KLF2: variants seen among roughly 807,000 people sequenced by gnomAD.
KLF2 encodes the protein Krueppel-like factor 2.
A neutral mutation model predicts 22.2 loss-of-function variants in KLF2; 9 were observed. The ratio of observed to expected loss-of-function variants is 0.40; its 90% CI spans 0.24 to 0.71. KLF2 has a LOEUF of 0.71. Among genes scored for constraint, KLF2 ranks in the 30% least tolerant of loss-of-function variants. The pLI is 0.35. For missense variants in KLF2, 481 were observed against 542.1 expected, an observed-to-expected ratio of 0.89 and a Z score of 1.12; for synonymous variants, 299 against 264.2, an observed-to-expected ratio of 1.13 and a Z score of -1.28.
chr19:16,327,032 C>A lies in KLF2; in HGVS notation c.*1C>A. The A allele has an allele frequency of 1.9e-6, 3 of 1,578,960 alleles. 1 individual carries two copies. The South Asian group carries it at 3.4e-5, about 18-fold the overall frequency. The stretch of plus-strand genomic sequence containing the variant: ...GCTGCACATGAAACGGCACATGTAG[C>A]CGGGACGCCCCCGCCCACCTGCGCG... On this transcript the variant is annotated 3_prime_UTR_variant, in exon 3 of 3. Transcript: ENST00000248071.
At chr19:16,325,150 G>A (rs2091884252) in intron 1 of KLF2, 66 bp from the exon 2 acceptor site, 2 of 1,363,722 alleles carry the variant, frequency 1.5e-6, no homozygotes, top group Admixed American at 2.5e-5. Flanking sequence ...ACTTAGGGTG[G>A]TAAAAGGCAA....
At chr19:16,326,122 A>T in intron 2 of KLF2, 90 bp downstream of exon 2, 3 of 1,292,680 alleles carry the variant, frequency 2.3e-6, no homozygotes, top group Non-Finnish European at 3.1e-6. Context: ...TGAATTTAGG[A>T]CCTCCCTTGG....
rs1030231820 is a variant in KLF2 at position 16,324,990 on chromosome 19, C to T, written c.67C>T (p.Leu23=). Residue 23 remains leucine (L), a synonymous_variant, in exon 1 of 3, where the codon CTG becomes TTG. Transcript: ENST00000248071. ...TFASPCRERG[L]QERWPRAEPE... Reference sequence around the variant, plus strand: ...CGCCAGCCCGTGCCGCGAGCGCGGCCTGCAGGAGGTGAGGGCGGCGGGGAC... The same window carrying T: ...CGCCAGCCCGTGCCGCGAGCGCGGCTTGCAGGAGGTGAGGGCGGCGGGGAC... 3 of 1,598,078 alleles carry T rather than the reference C, an allele frequency of 1.9e-6. No individual in the cohort carries two copies. Among genetic ancestry groups the T allele is most frequent in the Non-Finnish European group, 2.6e-6 (3 of 1,173,700 alleles).
At chr19:16,325,049 G>A (rs756566367) in intron 1 of KLF2, 51 bp downstream of exon 1, 21 of 1,484,534 alleles carry the variant, frequency 1.4e-5, no homozygotes, top group Non-Finnish European at 1.7e-5. Flanking sequence ...CGGCGGGCTC[G>A]GGGTAGTAGA....
intron 2 of KLF2, 49 bp downstream of exon 2, chr19:16,326,081 AGAGGT>A: frequency 6.6e-7 from 1 of 1,505,982 alleles, no homozygotes. Flanking sequence ...ACGCGGGAGG[AGAGGT>A]CGGATTCCCA....
At position 16,325,401 on chromosome 19, in the gene KLF2, C is replaced by T; in HGVS notation, c.261C>T (p.Pro87=). ...EPGAPPPYSA[P]AGGLVSELLR... ...GCGCGCCCCCGCCCTACAGCGCCCCCGCGGGTGGCCTGGTGTCTGAGCTGC... is the reference window on the plus strand; with the variant it reads ...GCGCGCCCCCGCCCTACAGCGCCCCTGCGGGTGGCCTGGTGTCTGAGCTGC... The change falls in exon 2 of 3, where the codon CCC becomes CCT. Residue 87 remains proline (P), a synonymous_variant. Coordinates refer to ENST00000248071, the MANE Select transcript of KLF2 (RefSeq NM_016270.4). The T allele has an allele frequency of 7.0e-7, 1 of 1,424,082 alleles. No individual in the cohort carries two copies. 88.2% of individuals were successfully genotyped at this position (1,424,082 alleles called of 1,614,324 possible).
chr19:16,324,908 T>C lies in KLF2; in HGVS notation c.-16T>C. ...CCGGTGTCCCCGTCCGCGTCCTTTCTCCCCGGGTCCCGGCCATGGCGCTGA... is the reference window on the plus strand; with the variant it reads ...CCGGTGTCCCCGTCCGCGTCCTTTCCCCCCGGGTCCCGGCCATGGCGCTGA... On this transcript the variant is annotated 5_prime_UTR_variant, in exon 1 of 3. Coordinates refer to ENST00000248071, the MANE Select transcript of KLF2 (RefSeq NM_016270.4). The C allele has an allele frequency of 6.3e-7, 1 of 1,585,174 alleles. No individual in the cohort carries two copies. Among genetic ancestry groups the C allele is most frequent in the Non-Finnish European group, 8.6e-7 (1 of 1,166,848 alleles).
chr19:16,327,020 C>T lies in KLF2; in HGVS notation c.1057C>T (p.Arg353Trp). ...RSDHLALHMKRHM is the reference protein window; with the variant it reads ...RSDHLALHMKWHM Reference sequence around the variant, plus strand: ...CGATCACCTGGCGCTGCACATGAAACGGCACATGTAGCCGGGACGCCCCCG... The same window carrying T: ...CGATCACCTGGCGCTGCACATGAAATGGCACATGTAGCCGGGACGCCCCCG... The change falls in exon 3 of 3, where the codon CGG becomes TGG. Residue 353 changes from arginine to tryptophan, a missense_variant. Physicochemically the swap from Arg to Trp is moderately radical, Grantham distance 101. Around this residue, in one of 2 missense-constraint regions of KLF2, gnomAD observed 60 missense variants for 107.0 expected, o/e 0.56. Coordinates refer to ENST00000248071, the MANE Select transcript of KLF2 (RefSeq NM_016270.4). The T allele has an allele frequency of 1.2e-6, 2 of 1,601,704 alleles. No individual in the cohort carries two copies. Among genetic ancestry groups the T allele is most frequent in the Non-Finnish European group, 8.5e-7 (1 of 1,174,168 alleles).
chr19:16,327,151 G>A lies in KLF2; in HGVS notation c.*120G>A. The A allele has an allele frequency of 1.0e-6, 1 of 971,850 alleles. No homozygotes were observed. Among genetic ancestry groups the A allele is most frequent in the Non-Finnish European group, 1.5e-6 (1 of 685,390 alleles). The allele number at this position is 971,850 out of a possible 1,614,324, so 60.2% of individuals were successfully genotyped here. A position where few individuals can be genotyped will look rare whatever the true frequency, so the allele number is the denominator to read the frequency against. On this transcript the variant is annotated 3_prime_UTR_variant, in exon 3 of 3. Coordinates refer to ENST00000248071, the MANE Select transcript of KLF2 (RefSeq NM_016270.4). ...AGAGAACCGGGCCGGGCACAGCGTG[G>A]CTACAGAGGGTCTCCCTCGATGACG...
In KLF2 at chr19:16,327,123, C is replaced by T. The variant is rs1032943962; in HGVS notation, c.*92C>T. The T allele has an allele frequency of 7.1e-6, 9 of 1,259,736 alleles. No homozygotes were observed. The African/African-American group carries it at 1.1e-4, about 15-fold the overall frequency. The allele number at this position is 1,259,736 out of a possible 1,614,324, so 78.0% of individuals were successfully genotyped here. Reference sequence around the variant, plus strand: ...CAAACTGTGACTGGTATTTATTGGACCCAGAGAACCGGGCCGGGCACAGCG... The same window carrying T: ...CAAACTGTGACTGGTATTTATTGGATCCAGAGAACCGGGCCGGGCACAGCG... On this transcript the variant is annotated 3_prime_UTR_variant, in exon 3 of 3. Coordinates refer to ENST00000248071, the MANE Select transcript of KLF2 (RefSeq NM_016270.4).
rs932198908 is a variant in KLF2, at chr19:16,325,347, G to A, written c.207G>A (p.Pro69=). 4 of 1,464,488 alleles carry A rather than the reference G, an allele frequency of 2.7e-6. No individual in the cohort carries two copies. The highest frequency in any genetic ancestry group is 2.7e-6 in the Non-Finnish European group (3 of 1,116,490). The allele number at this position is 1,464,488 out of a possible 1,614,324, so 90.7% of individuals were successfully genotyped here. Residue 69 remains proline (P), a synonymous_variant, in exon 2 of 3, where the codon CCG becomes CCA. Coordinates refer to ENST00000248071, the MANE Select transcript of KLF2 (RefSeq NM_016270.4). The stretch of plus-strand genomic sequence containing the variant: ...CCCCGGAGCCGCCGCCGCCGCCCCC[G>A]CCGCCTGCGTTCTATTACCCCGAAC... The part of the protein sequence containing the change: ...EAAPEPPPPP[P]PPAFYYPEPG...
chr19:16,325,070 C>T (rs1313636199), intron 1 of KLF2, 72 bp downstream of exon 1: 3 of 1,395,524 alleles, frequency 2.1e-6, no homozygotes, highest in South Asian at 1.3e-5. Context: ...ACGTGGGCTG[C>T]GGGGTGACAG....
At chr19:16,326,517 G>A (rs1274164157) in intron 2 of KLF2, among the ~76,000 whole-genome samples, 1 of 151,970 alleles carries the variant, frequency 6.6e-6, no homozygotes, top group African/African-American at 2.4e-5. Flanking sequence ...GACTCCTCTG[G>A]GGACAAGGCT....
At chr19:16,326,175 C>T (rs901057254) in intron 2 of KLF2, 143 bp downstream of exon 2, 3 of 795,130 alleles carry the variant, frequency 3.8e-6, no homozygotes, top group African/African-American at 3.7e-5. Flanking sequence ...ACGCTTAGGA[C>T]TCCCCAGGAG....
Position 16,325,369 on chromosome 19 carries a change from G to A in KLF2, c.229G>A (p.Glu77Lys), listed in dbSNP as rs1468528560. The change falls in exon 2 of 3, where the codon GAA becomes AAA. Residue 77 changes from glutamate (E) to lysine (K), a missense_variant. Coordinates refer to ENST00000248071, the MANE Select transcript of KLF2 (RefSeq NM_016270.4). ...CCCGCCGCCTGCGTTCTATTACCCC[G>A]AACCCGGCGCGCCCCCGCCCTACAG... The part of the protein sequence containing the change: ...PPPPPAFYYP[E>K]PGAPPPYSAP... 2.8e-6 allele frequency: 4 copies of A among 1,435,284 alleles called. No homozygotes were observed. Among genetic ancestry groups the A allele is most frequent in the Non-Finnish European group, 3.6e-6 (4 of 1,105,836 alleles). The allele number at this position is 1,435,284 out of a possible 1,614,324, so 88.9% of individuals were successfully genotyped here.
In KLF2 at chr19:16,325,842, G is replaced by A. The variant is rs1258780511; in HGVS notation, c.702G>A (p.Leu234=). Residue 234 remains leucine, a synonymous_variant, in exon 2 of 3, where the codon CTG becomes CTA. Transcript: ENST00000248071. ...CCGCCGCCGCGGCAGCCCTGGGCCT[G>A]GCGCCCCCCGCCGCCCGCGGTCTCC... The part of the protein sequence containing the change: ...DAAAAAAALG[L]APPAARGLLT... The A allele has an allele frequency of 2.1e-6, 3 of 1,415,166 alleles. No homozygotes were observed. In the African/African-American group the frequency reaches 4.5e-5, roughly 21 times the overall value. 87.7% of individuals were successfully genotyped at this position (1,415,166 alleles called of 1,614,324 possible).
chr19:16,327,650 C>CGTCTG lies in KLF2; in HGVS notation c.*620_*624dup, dbSNP rs1371086200. On this transcript the variant is annotated 3_prime_UTR_variant, in exon 3 of 3. Coordinates refer to ENST00000248071, the MANE Select transcript of KLF2 (RefSeq NM_016270.4). ...AAAGCATCGTGTGCAGTGGGTCCTG[C>CGTCTG]GTCTGCCAGCACCGGGACTGCCAGC... 6.6e-6 allele frequency: 1 copy of CGTCTG among 152,106 alleles called. No individual in the cohort carries two copies. Among genetic ancestry groups the CGTCTG allele is most frequent in the Non-Finnish European group, 1.5e-5 (1 of 68,042 alleles). The allele number at this position is 152,106 out of a possible 1,614,324, so 9.4% of individuals were successfully genotyped here. A position where few individuals can be genotyped will look rare whatever the true frequency, so the allele number is the denominator to read the frequency against.
In KLF2 at chr19:16,325,881, G is replaced by A. The variant is rs1300001514; in HGVS notation, c.741G>A (p.Ala247=). ...CCCGCGGTCTCCTCACGCCGCCTGC[G>A]TCCCCGCTGGAGCTGCTGGAGGCCA... is the stretch of plus-strand genomic sequence containing the variant. ...PAARGLLTPP[A]SPLELLEAKP... Residue 247 remains alanine, a synonymous_variant, in exon 2 of 3, where the codon GCG becomes GCA. Transcript: ENST00000248071. 31 of 1,471,932 alleles carry A rather than the reference G, an allele frequency of 2.1e-5. No individual in the cohort carries two copies. Among genetic ancestry groups the A allele is most frequent in the Non-Finnish European group, 2.8e-5 (31 of 1,118,624 alleles). The allele number at this position is 1,471,932 out of a possible 1,614,324, so 91.2% of individuals were successfully genotyped here.
Position 16,327,208 on chromosome 19 carries a change from CTG to C in KLF2, c.*180_*181del. On this transcript the variant is annotated 3_prime_UTR_variant, in exon 3 of 3. Coordinates refer to ENST00000248071, the MANE Select transcript of KLF2 (RefSeq NM_016270.4). ...ACGACGCCACCACCCCAGCCCCCGT[CTG>C]TGACTGAAGGCCCGGTGGGAAAAGA... The C allele has an allele frequency of 1.7e-6, 1 of 574,812 alleles. No homozygotes were observed. The highest frequency in any genetic ancestry group is 3.0e-6 in the Non-Finnish European group (1 of 334,166). 35.6% of individuals were successfully genotyped at this position (574,812 alleles called of 1,614,324 possible). A position where few individuals can be genotyped will look rare whatever the true frequency, so the allele number is the denominator to read the frequency against.
Sources: allele counts gnomAD v4.1 joint callset (sites outside exome capture counted in the v4.1 genomes callset), GRCh38; gene constraint gnomAD v4.1.1; regional missense constraint gnomAD v4.1.1; transcripts MANE v1.5; gene names NCBI Gene and HGNC (gene_info 2026-07-23, HGNC 2026-07-21).